Variants in NREP observed in about 807,000 individuals in gnomAD.
NREP encodes the protein neuronal regeneration related protein, also known as neuronal regeneration-related protein.
NREP carries 5 observed loss-of-function variants against 8.6 expected under a neutral mutation model. The ratio of observed to expected loss-of-function variants is 0.58; its 90% CI spans 0.30 to 1.22. The LOEUF (loss-of-function observed/expected upper bound fraction) is 1.22. NREP is among the 50% of genes most tolerant of loss of function. The probability of loss-of-function intolerance (pLI) is 0.07; values close to 1 mark genes in which losing one functional copy is unlikely to be tolerated. For synonymous variants in NREP, 27 were observed against 28.0 expected, an observed-to-expected ratio of 0.96 and a Z score of 0.11; for missense variants, 86 against 82.5, an observed-to-expected ratio of 1.04 and a Z score of -0.17.
In NREP at chr5:111,734,785, C is replaced by A. The variant is rs537183935; in HGVS notation, c.81+645G>T. The A allele has an allele frequency of 9.0e-4, 618 of 689,344 alleles. 14 individuals carry two copies. In the South Asian group the frequency reaches 9.1e-3, roughly 10 times the overall value. 42.7% of individuals were successfully genotyped at this position (689,344 alleles called of 1,614,324 possible). On this transcript the variant is annotated intron_variant, in intron 3 of 3. Coordinates refer to ENST00000257435, the MANE Select transcript of NREP (RefSeq NM_004772.4). The stretch of plus-strand genomic sequence containing the variant: ...CATTGGTTAAAAAGTATACTCTCCC[C>A]GCTTGAAGTCAAACAAGTATTCACC...
intron 2 of NREP, among the ~76,000 whole-genome samples, chr5:111,962,407 T>C (rs1360104035): frequency 6.6e-6 from 1 of 152,012 alleles, no homozygotes; most frequent in Non-Finnish European, 1.5e-5. Flanking sequence ...AGGAGAGAAA[T>C]CAGTATCACA....
intron 2 of NREP, among the ~76,000 whole-genome samples, chr5:111,883,385 C>G (rs1308895289): frequency 6.6e-6 from 1 of 152,140 alleles, no homozygotes; most frequent in African/African-American, 2.4e-5. Context: ...GAGACTTTAA[C>G]AACCCACTGT....
chr5:111,773,561 C>T (rs1217257906), intron 2 of NREP, among the ~76,000 whole-genome samples: 1 of 152,106 alleles, frequency 6.6e-6, no homozygotes, highest in African/African-American at 2.4e-5. Flanking sequence ...GATTGGAAAT[C>T]TGTTGTTTTC....
chr5:111,735,419 A>C lies in NREP; in HGVS notation c.81+11T>G. 9.5e-6 allele frequency: 15 copies of C among 1,586,778 alleles called. No homozygotes were observed. The highest frequency in any genetic ancestry group is 1.3e-5 in the Non-Finnish European group (15 of 1,155,814). On this transcript the variant is annotated intron_variant, in intron 3 of 3. Coordinates refer to ENST00000257435, the MANE Select transcript of NREP (RefSeq NM_004772.4). Reference sequence around the variant, plus strand: ...AAATAGTGTTAACAATATGGCATCTAAGGATCTTACCTTAGGAAGCCTTCC... The same window carrying C: ...AAATAGTGTTAACAATATGGCATCTCAGGATCTTACCTTAGGAAGCCTTCC...
chr5:111,937,831 C>G (rs1755725071), intron 2 of NREP, among the ~76,000 whole-genome samples: 1 of 152,060 alleles, frequency 6.6e-6, no homozygotes, highest in Non-Finnish European at 1.5e-5. Context: ...CATAATCTCA[C>G]AGGGTACTGG....
chr5:111,918,330 T>G (rs1014816563), intron 2 of NREP, among the ~76,000 whole-genome samples: 1 of 152,168 alleles, frequency 6.6e-6, no homozygotes, highest in South Asian at 2.1e-4. Context: ...TACCACTGAC[T>G]TTCCTCACAG....
At chr5:111,832,718 A>G (rs1349287090) in intron 2 of NREP, among the ~76,000 whole-genome samples, 1 of 152,208 alleles carries the variant, frequency 6.6e-6, no homozygotes, top group Non-Finnish European at 1.5e-5. Flanking sequence ...TAGAAACAAC[A>G]GGGGAAGGTC....
chr5:111,903,459 G>C (rs1242303708), intron 2 of NREP, among the ~76,000 whole-genome samples: 2 of 152,060 alleles, frequency 1.3e-5, no homozygotes, highest in Non-Finnish European at 2.9e-5. Context: ...TAATTATAAA[G>C]TTTAATTTGA....
At chr5:111,950,587 A>G (rs1463774148) in intron 2 of NREP, among the ~76,000 whole-genome samples, 2 of 152,142 alleles carry the variant, frequency 1.3e-5, no homozygotes, top group African/African-American at 4.8e-5. Flanking sequence ...CGCAAAAGAA[A>G]CTATCATCAG....
At chr5:111,756,686 G>A (rs1439999900) in intron 1 of NREP, among the ~76,000 whole-genome samples, 1 of 152,184 alleles carries the variant, frequency 6.6e-6, no homozygotes, top group East Asian at 1.9e-4. Flanking sequence ...GAATGCCTAA[G>A]AAGACCCTCG....
intron 2 of NREP, among the ~76,000 whole-genome samples, chr5:111,940,496 A>T (rs192905695): frequency 6.6e-6 from 1 of 152,174 alleles, no homozygotes; most frequent in Non-Finnish European, 1.5e-5. Flanking sequence ...AGAATTCAGT[A>T]GACACATATC....
intron 2 of NREP, among the ~76,000 whole-genome samples, chr5:111,968,788 C>T (rs1458398858): frequency 6.6e-6 from 1 of 152,196 alleles, no homozygotes; most frequent in African/African-American, 2.4e-5. Flanking sequence ...TACTACATAT[C>T]ACACTTGGAT....
intron 2 of NREP, among the ~76,000 whole-genome samples, chr5:111,854,462 A>T (rs2112472529): frequency 6.6e-6 from 1 of 152,260 alleles, no homozygotes; most frequent in Middle Eastern, 3.4e-3. Flanking sequence ...GTTCACTGAG[A>T]TGAGTAGTCT....
intron 2 of NREP, among the ~76,000 whole-genome samples, chr5:111,854,134 C>A (rs968273298): frequency 1.1e-4 from 16 of 151,602 alleles, no homozygotes; most frequent in Non-Finnish European, 2.2e-4. Context: ...CCAAGCCACC[C>A]AGCCACCCAA....
chr5:111,791,558 G>C (rs1046700271), intron 2 of NREP, among the ~76,000 whole-genome samples: 4 of 152,012 alleles, frequency 2.6e-5, no homozygotes, highest in Non-Finnish European at 4.4e-5. Context: ...AGCTCACTGT[G>C]GCCTCAACCT....
chr5:111,847,991 A>G (rs1022071815), intron 2 of NREP, among the ~76,000 whole-genome samples: 1 of 152,176 alleles, frequency 6.6e-6, no homozygotes, highest in East Asian at 1.9e-4. Context: ...GACCTAGGAA[A>G]GGCTCTTGCC....
At chr5:111,863,048 A>G (rs1753587032) in intron 2 of NREP, among the ~76,000 whole-genome samples, 1 of 151,910 alleles carries the variant, frequency 6.6e-6, no homozygotes, top group East Asian at 1.9e-4. Flanking sequence ...TGCAATTTTA[A>G]TGATCACTTT....
intron 2 of NREP, chr5:111,912,609 G>A (rs1449658191): frequency 6.6e-6 from 1 of 151,996 alleles, no homozygotes; most frequent in African/African-American, 2.4e-5. Flanking sequence ...TACCCTACTT[G>A]CGTCTTACTT....
chr5:111,884,590 A>G (rs1427403462), intron 2 of NREP, among the ~76,000 whole-genome samples: 9 of 152,334 alleles, frequency 5.9e-5, no homozygotes, highest in South Asian at 2.1e-4. Flanking sequence ...ATACTGGCAA[A>G]CCGAATCCAG....
Sources: allele counts gnomAD v4.1 joint callset (sites outside exome capture counted in the v4.1 genomes callset), GRCh38; gene constraint gnomAD v4.1.1; transcripts MANE v1.5; gene names NCBI Gene and HGNC (gene_info 2026-07-23, HGNC 2026-07-21).